PEX14: variants seen among roughly 807,000 people sequenced by gnomAD.
PEX14 encodes the protein peroxisomal biogenesis factor 14.
A neutral mutation model predicts 49.5 loss-of-function variants in PEX14; 15 were observed. The observed-to-expected ratio is 0.30, with a 90% confidence interval of 0.20 to 0.47. PEX14 has a LOEUF of 0.47. PEX14 is among the 20% of genes least tolerant of loss of function. The probability of loss-of-function intolerance (pLI) is 1.00; values close to 1 mark genes in which losing one functional copy is unlikely to be tolerated. For synonymous variants in PEX14, 210 were observed against 212.7 expected, an observed-to-expected ratio of 0.99 and a Z score of 0.11; for missense variants, 398 against 494.8, an observed-to-expected ratio of 0.80 and a Z score of 1.86.
intron 3 of PEX14, among the ~76,000 whole-genome samples, chr1:10,572,202 C>G (rs1000266323): frequency 3.9e-5 from 6 of 152,008 alleles, no homozygotes; most frequent in South Asian, 2.1e-4. Context: ...ATAGTAAGGT[C>G]TCAATAATTA....
At chr1:10,617,835 C>A (rs1641470787) in intron 4 of PEX14, among the ~76,000 whole-genome samples, 1 of 152,180 alleles carries the variant, frequency 6.6e-6, no homozygotes, top group South Asian at 2.1e-4. Flanking sequence ...CCACAGCCCA[C>A]CCCCGTGCCC....
rs1638597190 is a variant in PEX14 at position 10,529,953 on chromosome 1, G to A, written c.85-6260G>A. On this transcript the variant is annotated intron_variant, in intron 2 of 8. Transcript: ENST00000356607. The surrounding 1 kb of genome is among the most constrained non-coding windows in gnomAD (Gnocchi z 4.2). Reference sequence around the variant, plus strand: ...CAGGAAATTCCAAGTCGAAAGAGAGGCTCTTTCCTTTAACTCCTTGAGTGC... The same window carrying A: ...CAGGAAATTCCAAGTCGAAAGAGAGACTCTTTCCTTTAACTCCTTGAGTGC... 6.6e-6 allele frequency among the ~76,000 whole-genome samples: 1 copy of A among 152,152 alleles called. No homozygotes were observed.
chr1:10,585,753 C>G (rs1018658831), intron 3 of PEX14, among the ~76,000 whole-genome samples: 1 of 152,144 alleles, frequency 6.6e-6, no homozygotes, highest in African/African-American at 2.4e-5. Flanking sequence ...AACCCTGTCT[C>G]TATGCAGTGG....
intron 2 of PEX14, among the ~76,000 whole-genome samples, chr1:10,499,060 G>A (rs192769453): frequency 3.9e-5 from 6 of 152,328 alleles, no homozygotes; most frequent in Admixed American, 3.3e-4. Flanking sequence ...GCGGACAATT[G>A]TCCACATGTG....
intron 3 of PEX14, among the ~76,000 whole-genome samples, chr1:10,577,559 TATA>T (rs1225642678): frequency 0.04 from 218 of 5,458 alleles, 9 homozygotes; most frequent in East Asian, 0.21. Context: ...TATATATATA[TATA>T]TTTTTTTTTT....
chr1:10,626,170 C>T (rs1034210805), intron 7 of PEX14, among the ~76,000 whole-genome samples: 2 of 152,142 alleles, frequency 1.3e-5, no homozygotes, highest in Non-Finnish European at 2.9e-5. Flanking sequence ...GCTAAAAAGC[C>T]CCAGATGTCA....
intron 4 of PEX14, among the ~76,000 whole-genome samples, chr1:10,608,742 A>T (rs493937): frequency 0.91 from 137,136 of 150,002 alleles, 62,878 homozygotes; most frequent in African/African-American, 0.98. Flanking sequence ...AAAAAAAAAT[A>T]AAAAAAAAAA....
intron 2 of PEX14, among the ~76,000 whole-genome samples, chr1:10,517,401 C>A (rs1395580098): frequency 6.6e-6 from 1 of 152,014 alleles, no homozygotes; most frequent in Non-Finnish European, 1.5e-5. Context: ...TCTGATATAG[C>A]CCGTATGCAG....
intron 4 of PEX14, among the ~76,000 whole-genome samples, chr1:10,604,085 G>C (rs1349920486): frequency 6.6e-6 from 1 of 152,242 alleles, no homozygotes; most frequent in African/African-American, 2.4e-5. Context: ...GGGCTAAAGA[G>C]ACTAACAAGA....
intron 3 of PEX14, among the ~76,000 whole-genome samples, chr1:10,588,527 T>C (rs1487462693): frequency 1.3e-5 from 2 of 152,210 alleles, no homozygotes; most frequent in African/African-American, 4.8e-5. Flanking sequence ...AATGGAAAAT[T>C]CCAGAAATAA....
chr1:10,542,090 T>A (rs58423503), intron 3 of PEX14, among the ~76,000 whole-genome samples: 2,263 of 100,402 alleles, frequency 0.023, 56 homozygotes, highest in African/African-American at 0.076. Flanking sequence ...TAAAAAAAAA[T>A]TTTTTTTACT....
intron 4 of PEX14, among the ~76,000 whole-genome samples, chr1:10,605,417 T>G (rs1019721622): frequency 6.6e-6 from 1 of 152,194 alleles, no homozygotes; most frequent in African/African-American, 2.4e-5. Flanking sequence ...GTGAGAATGT[T>G]GAGAGCTTTC....
chr1:10,622,534 T>C (rs1641624988), intron 5 of PEX14, among the ~76,000 whole-genome samples: 1 of 152,230 alleles, frequency 6.6e-6, no homozygotes, highest in African/African-American at 2.4e-5. Context: ...ATTTACTCGT[T>C]TGTTTCTGAA....
intron 3 of PEX14, among the ~76,000 whole-genome samples, chr1:10,541,966 A>C (rs750580985): frequency 6.6e-6 from 1 of 152,158 alleles, no homozygotes; most frequent in African/African-American, 2.4e-5. Context: ...AGATTTACCC[A>C]GTTACTTTTA....
intron 3 of PEX14, among the ~76,000 whole-genome samples, chr1:10,543,500 C>T (rs1173916220): frequency 6.6e-6 from 1 of 152,048 alleles, no homozygotes; most frequent in African/African-American, 2.4e-5. Flanking sequence ...GGAAGGCCTT[C>T]GTTAGTGAGG....
intron 3 of PEX14, among the ~76,000 whole-genome samples, chr1:10,582,843 G>C (rs1050185122): frequency 3.9e-5 from 6 of 151,956 alleles, no homozygotes; most frequent in African/African-American, 1.2e-4. Context: ...AATCAATTCT[G>C]CCACCCCAGC....
At chr1:10,499,057 A>T (rs766539287) in intron 2 of PEX14, among the ~76,000 whole-genome samples, 66 of 152,358 alleles carry the variant, frequency 4.3e-4, no homozygotes, top group Non-Finnish European at 5.4e-4. Context: ...TGGGCGGACA[A>T]TTGTCCACAT....
At chr1:10,586,519 C>T (rs61776265) in intron 3 of PEX14, among the ~76,000 whole-genome samples, 5,141 of 150,862 alleles carry the variant, frequency 0.034, 165 homozygotes, top group South Asian at 0.095. Flanking sequence ...ACTAGAAATA[C>T]ATTCTTTTAC....
intron 4 of PEX14, among the ~76,000 whole-genome samples, chr1:10,615,274 G>A (rs1247822874): frequency 1.3e-5 from 2 of 152,170 alleles, no homozygotes; most frequent in African/African-American, 2.4e-5. Flanking sequence ...AGATGTTTGC[G>A]ATGCAGATCA....
Sources: gnomAD v4.1 joint callset for allele counts (sites outside exome capture counted in the v4.1 genomes callset) on GRCh38, gnomAD v4.1.1 for gene constraint, Gnocchi (gnomAD v3.1) non-coding constraint, MANE v1.5 for transcripts, NCBI Gene and HGNC (gene_info 2026-07-23, HGNC 2026-07-21) for gene names.